KCNAB1: variants seen among roughly 807,000 people sequenced by gnomAD.
KCNAB1 encodes potassium voltage-gated channel subfamily A regulatory beta subunit 1.
Under a neutral mutation model 64.6 loss-of-function variants are expected in KCNAB1, and 35 were observed. That is an observed-to-expected ratio of 0.54 (90% CI 0.41 to 0.72). The LOEUF (loss-of-function observed/expected upper bound fraction) is 0.72, where lower values mean the gene tolerates loss of function less well. KCNAB1 is among the 30% of genes least tolerant of loss of function. The pLI is 0.00. For missense variants in KCNAB1, 401 were observed against 512.9 expected, an observed-to-expected ratio of 0.78 and a Z score of 2.11; for synonymous variants, 177 against 183.8, an observed-to-expected ratio of 0.96 and a Z score of 0.30.
chr3:156,412,986 G>A (rs190884701), intron 1 of KCNAB1, among the ~76,000 whole-genome samples: 1 of 152,200 alleles, frequency 6.6e-6, no homozygotes, highest in African/African-American at 2.4e-5. Context: ...ACCAGCAGGT[G>A]GTCTAAAGTG....
At chr3:156,166,540 C>T (rs1241249554) in intron 1 of KCNAB1, among the ~76,000 whole-genome samples, 3 of 152,010 alleles carry the variant, frequency 2.0e-5, no homozygotes, top group African/African-American at 7.3e-5. Context: ...TACACACACA[C>T]ACACACACAC....
At position 156,155,152 on chromosome 3, in the gene KCNAB1, C is replaced by T. The variant is rs565026346; in HGVS notation, c.275+34266C>T. Among the ~76,000 whole-genome samples the T allele has an allele frequency of 2.2e-3, 332 of 152,266 alleles. 1 individual carries two copies. The highest frequency in any genetic ancestry group is 7.3e-3 in the African/African-American group (304 of 41,536). ...AAAGCTATTTTGTATGACCACTAGT[C>T]AAGCCTCGCTGTTTTTGGTACACTA... On this transcript the variant is annotated intron_variant, in intron 1 of 13. Coordinates refer to ENST00000490337, the MANE Select transcript of KCNAB1 (RefSeq NM_172160.3).
chr3:156,526,595 C>G, intron 12 of KCNAB1, among the ~76,000 whole-genome samples: 1 of 152,302 alleles, frequency 6.6e-6, no homozygotes. Flanking sequence ...AAAGGCTACA[C>G]ACTGGGCAGA....
chr3:156,384,859 C>T (rs1247537315), intron 1 of KCNAB1, among the ~76,000 whole-genome samples: 2 of 152,056 alleles, frequency 1.3e-5, no homozygotes, highest in Non-Finnish European at 2.9e-5. Context: ...AGAAGGAGGG[C>T]ACCTGAAGGG....
At chr3:156,127,884 G>GGGGTGTGTGTGTGT (rs554272137) in intron 1 of KCNAB1, among the ~76,000 whole-genome samples, 4 of 147,662 alleles carry the variant, frequency 2.7e-5, no homozygotes, top group African/African-American at 7.5e-5. Context: ...CTTCATTTGG[G>GGGGTGTGTGTGTGT]GTGTGTGTGT....
At chr3:156,191,007 C>A (rs184816432) in intron 1 of KCNAB1, among the ~76,000 whole-genome samples, 1 of 152,286 alleles carries the variant, frequency 6.6e-6, no homozygotes, top group African/African-American at 2.4e-5. Context: ...AATAAAAATA[C>A]AAGACAGAGT....
chr3:156,130,350 C>A (rs1477139056), intron 1 of KCNAB1, among the ~76,000 whole-genome samples: 1 of 152,196 alleles, frequency 6.6e-6, no homozygotes, highest in African/African-American at 2.4e-5. Flanking sequence ...TGACCTTGAA[C>A]AAGCCTTCCT....
intron 8 of KCNAB1, among the ~76,000 whole-genome samples, chr3:156,501,889 A>G (rs1269813417): frequency 6.6e-6 from 1 of 152,160 alleles, no homozygotes; most frequent in Non-Finnish European, 1.5e-5. Flanking sequence ...CACTTCTTAC[A>G]TGGTGGCAGG....
chr3:156,410,231 A>G (rs58590195), intron 1 of KCNAB1, among the ~76,000 whole-genome samples: 4,087 of 152,196 alleles, frequency 0.027, 162 homozygotes, highest in South Asian at 0.1. Context: ...CTAGTATTCA[A>G]CTCTAGTTTC....
chr3:156,208,606 G>A (rs1714807421), intron 1 of KCNAB1, among the ~76,000 whole-genome samples: 1 of 152,172 alleles, frequency 6.6e-6, no homozygotes, highest in African/African-American at 2.4e-5. Flanking sequence ...AGTGTGTTAT[G>A]AGGGTTTATG....
rs115092741 is a variant in KCNAB1, at chr3:156,317,813, C to A, written c.276-103803C>A. 5.3e-3 allele frequency among the ~76,000 whole-genome samples: 804 copies of A among 152,294 alleles called. 7 individuals carry two copies. Among genetic ancestry groups the A allele is most frequent in the African/African-American group, 0.019 (779 of 41,546 alleles). ...ACACGTAACCATTACTCTGCACCCA[C>A]ATGTCTTCTTGGATTTACTGGGAAG... is the stretch of plus-strand genomic sequence containing the variant. On this transcript the variant is annotated intron_variant, in intron 1 of 13. Coordinates refer to ENST00000490337, the MANE Select transcript of KCNAB1 (RefSeq NM_172160.3).
chr3:156,329,015 C>A (rs1032013416), intron 1 of KCNAB1, among the ~76,000 whole-genome samples: 10 of 152,040 alleles, frequency 6.6e-5, no homozygotes, highest in African/African-American at 2.4e-4. Flanking sequence ...ATAGTGAGTT[C>A]TTTTCTAAGT....
intron 1 of KCNAB1, among the ~76,000 whole-genome samples, chr3:156,338,539 C>A (rs1438491433): frequency 5.3e-5 from 8 of 151,730 alleles, no homozygotes; most frequent in Non-Finnish European, 1.0e-4. Flanking sequence ...CTTGAACTCC[C>A]GACCTCAGGT....
chr3:156,478,996 G>A (rs978427230), intron 8 of KCNAB1, among the ~76,000 whole-genome samples: 1 of 152,170 alleles, frequency 6.6e-6, no homozygotes, highest in African/African-American at 2.4e-5. Context: ...CAGGCTATGG[G>A]AAGATGTTCC....
At chr3:156,267,308 C>T (rs1718777850) in intron 1 of KCNAB1, among the ~76,000 whole-genome samples, 1 of 152,144 alleles carries the variant, frequency 6.6e-6, no homozygotes, top group African/African-American at 2.4e-5. Flanking sequence ...TACCTTATGG[C>T]TGGCTGACTC....
intron 1 of KCNAB1, among the ~76,000 whole-genome samples, chr3:156,158,670 G>A (rs2108306101): frequency 6.6e-6 from 1 of 152,308 alleles, no homozygotes; most frequent in African/African-American, 2.4e-5. Flanking sequence ...ACAGGACTCT[G>A]TTTCTTTCTC....
chr3:156,515,068 A>T (rs761354571), intron 9 of KCNAB1, 32 bp from the exon 10 acceptor site: 21 of 1,577,578 alleles, frequency 1.3e-5, no homozygotes, highest in Non-Finnish European at 1.7e-5. Flanking sequence ...TCTCATCAGT[A>T]TAAATTTGGT....
chr3:156,498,796 C>T (rs1576943440), intron 8 of KCNAB1, among the ~76,000 whole-genome samples: 1 of 152,228 alleles, frequency 6.6e-6, no homozygotes, highest in East Asian at 1.9e-4. Context: ...GCACACAATG[C>T]TGCTGCAGAC....
At position 156,306,929 on chromosome 3, in the gene KCNAB1, T is replaced by G. The variant is rs1288186173; in HGVS notation, c.276-114687T>G. Reference sequence around the variant, plus strand: ...CAGAATTCCCTGACGCTGAAGAGTCTAAGACCCTGGGACCTTGACCCAATC... The same window carrying G: ...CAGAATTCCCTGACGCTGAAGAGTCGAAGACCCTGGGACCTTGACCCAATC... On this transcript the variant is annotated intron_variant, in intron 1 of 13. Transcript: ENST00000490337. Among the ~76,000 whole-genome samples the G allele has an allele frequency of 3.9e-5, 6 of 152,214 alleles. No individual in the cohort carries two copies. The East Asian group carries it at 1.2e-3, about 29-fold the overall frequency.
Sources: gnomAD v4.1 joint callset for allele counts (sites outside exome capture counted in the v4.1 genomes callset) on GRCh38, gnomAD v4.1.1 for gene constraint, MANE v1.5 for transcripts, NCBI Gene and HGNC (gene_info 2026-07-23, HGNC 2026-07-21) for gene names.